NOX5: variants seen among roughly 807,000 people sequenced by gnomAD.
NOX5 encodes NADPH oxidase 5.
In NOX5, 76 loss-of-function variants were observed where a neutral mutation model predicts 85.7. The observed-to-expected ratio is 0.89, with a 90% CI of 0.74 to 1.07. The LOEUF (loss-of-function observed/expected upper bound fraction) is 1.07. Ranked by LOEUF, NOX5 falls within the 50% of genes least tolerant of loss-of-function variation. The pLI, the probability that NOX5 is intolerant of heterozygous loss-of-function variation, is 0.00. For missense variants in NOX5, 973 were observed against 999.5 expected (o/e 0.97, Z 0.36); for synonymous variants, 405 against 401.4 (o/e 1.01, Z -0.11).
chr15:69,043,498 G>T (rs1001028031), intron 10 of NOX5: 15 of 152,402 alleles, frequency 9.8e-5, no homozygotes, highest in East Asian at 3.9e-4. Context: ...ACGTTCCCAG[G>T]CCTGGCCCAA....
rs79487596 is a variant in NOX5 at position 69,016,433 on chromosome 15, G to A, written c.50+1648G>A. ...ACTAGGACCACACATTTATAGGCGA[G>A]GAGAGAGTGAGAACCTAGACAGGTG... is the stretch of plus-strand genomic sequence containing the variant. On this transcript the variant is annotated intron_variant, in intron 1 of 15. Transcript: ENST00000388866. 1.0e-3 allele frequency among the ~76,000 whole-genome samples: 157 copies of A among 152,314 alleles called. 6 individuals carry two copies. In the East Asian group the frequency reaches 0.027, roughly 26 times the overall value.
chr15:69,021,881 A>G (rs1173951994), intron 1 of NOX5, among the ~76,000 whole-genome samples: 2 of 152,216 alleles, frequency 1.3e-5, no homozygotes, highest in Non-Finnish European at 2.9e-5. Context: ...TGAGGCATAA[A>G]TGATGTGCCA....
In NOX5 at chr15:69,044,941, C is replaced by T. The variant is rs371658688; in HGVS notation, c.1648-1881C>T. ...CATCCAAGGATGTCACTGGAGCTGA[C>T]GTCCTATAGGCCCAAGGGAGATCCC... On this transcript the variant is annotated intron_variant, in intron 10 of 15. Coordinates refer to ENST00000388866, the MANE Select transcript of NOX5 (RefSeq NM_024505.4). Among the ~76,000 whole-genome samples, 160 of 152,362 alleles carry T rather than the reference C, an allele frequency of 1.1e-3. 1 individual carries two copies. Among genetic ancestry groups the T allele is most frequent in the African/African-American group, 3.6e-3 (150 of 41,576 alleles).
chr15:69,024,940 T>C (rs1444639642), intron 1 of NOX5, among the ~76,000 whole-genome samples: 2 of 152,242 alleles, frequency 1.3e-5, no homozygotes, highest in Non-Finnish European at 2.9e-5. Context: ...GTGTGATATG[T>C]ATTTCATTCT....
chr15:69,028,157 T>G (rs1163773887), intron 2 of NOX5, 58 bp from the exon 3 acceptor site: 11 of 1,515,016 alleles, frequency 7.3e-6, no homozygotes, highest in African/African-American at 1.4e-5. Context: ...AGTGAACAAA[T>G]TCAAAGCCCA....
rs311933 is a variant in NOX5 at position 69,043,790 on chromosome 15, A to G, written c.1647+985A>G. On this transcript the variant is annotated intron_variant, in intron 10 of 15. Transcript: ENST00000388866. ...GACCTCAGTCACCTCTGCCACTATA[A>G]ATTGGCGCAACTTTCTGGCAGGCAG... 9.5e-3 allele frequency among the ~76,000 whole-genome samples: 1,449 copies of G among 152,142 alleles called. 25 individuals are homozygous for G. The highest frequency in any genetic ancestry group is 0.032 in the African/African-American group (1,319 of 41,508).
intron 14 of NOX5, among the ~76,000 whole-genome samples, chr15:69,050,833 G>T (rs1194583142): frequency 6.6e-6 from 1 of 152,172 alleles, no homozygotes. Flanking sequence ...TTTAACCCCA[G>T]TACTAAGGTG....
chr15:69,056,643 C>A lies in NOX5; in HGVS notation c.2245C>A (p.Leu749Met), dbSNP rs779336898. Residue 749 changes from leucine (L) to methionine (M), a missense_variant, in exon 16 of 16, where the codon CTG becomes ATG. Leu to Met is a conservative substitution (Grantham distance 15). Transcript: ENST00000388866. ...FCGSPALAKV[L>M]KGHCEKFGFR... The stretch of plus-strand genomic sequence containing the variant: ...TGGCTCCCCAGCTCTGGCCAAGGTG[C>A]TGAAGGGCCATTGTGAGAAGTTCGG... 41 of 1,613,726 alleles carry A rather than the reference C, an allele frequency of 2.5e-5. No homozygotes were observed. The highest frequency in any genetic ancestry group is 3.5e-5 in the Non-Finnish European group (41 of 1,180,042).
chr15:69,020,604 T>C (rs1397095835), intron 1 of NOX5, among the ~76,000 whole-genome samples: 1 of 151,552 alleles, frequency 6.6e-6, no homozygotes, highest in African/African-American at 2.4e-5. Context: ...ATAAGATAGA[T>C]GGTAAAGATG....
intron 1 of NOX5, among the ~76,000 whole-genome samples, chr15:69,021,912 G>T (rs1354634917): frequency 2.0e-5 from 3 of 152,080 alleles, no homozygotes; most frequent in African/African-American, 7.2e-5. Flanking sequence ...ATTTAAAATG[G>T]ATATTTTGAC....
rs144988780 is a variant in NOX5, at chr15:69,017,144, T to C, written c.50+2359T>C. 2.6e-4 allele frequency among the ~76,000 whole-genome samples: 39 copies of C among 152,038 alleles called. No homozygotes were observed. In the East Asian group the frequency reaches 7.2e-3, roughly 28 times the overall value. ...TAACATAGAAATTTCTAAGTATTTA[T>C]TTATTTATTTATTTATTTATTTTCT... On this transcript the variant is annotated intron_variant, in intron 1 of 15. Transcript: ENST00000388866.
At chr15:69,043,978 G>C (rs563199717) in intron 10 of NOX5, among the ~76,000 whole-genome samples, 157 of 152,298 alleles carry the variant, frequency 1.0e-3, no homozygotes, top group African/African-American at 3.3e-3. Context: ...GAGGTCAGGA[G>C]ATTGAGACCA....
intron 1 of NOX5, among the ~76,000 whole-genome samples, chr15:69,016,285 G>T (rs1463161372): frequency 6.6e-6 from 1 of 152,178 alleles, no homozygotes; most frequent in Admixed American, 6.5e-5. Flanking sequence ...CCAGCTACAG[G>T]TTCTCTCCAT....
chr15:69,062,058 T>A lies in NOX5; in HGVS notation c.*5362T>A, dbSNP rs1462592329. On this transcript the variant is annotated 3_prime_UTR_variant, in exon 16 of 16. Transcript: ENST00000388866. The stretch of plus-strand genomic sequence containing the variant: ...GGTGCTTGGCGTGTTTCATGAATGT[T>A]TCCACTGCTATGGTCTGTTTCAGCT... The A allele has an allele frequency of 2.0e-5, 3 of 152,144 alleles. No individual in the cohort carries two copies. Among genetic ancestry groups the A allele is most frequent in the African/African-American group, 7.2e-5 (3 of 41,436 alleles). 9.4% of individuals were successfully genotyped at this position (152,144 alleles called of 1,614,324 possible).
At chr15:69,018,629 C>G (rs993357474) in intron 1 of NOX5, among the ~76,000 whole-genome samples, 1 of 149,256 alleles carries the variant, frequency 6.7e-6, no homozygotes, top group African/African-American at 2.5e-5. Flanking sequence ...GTGGGCTGTA[C>G]CTGTTGAGCC....
chr15:69,046,973 C>A (rs2050681722), intron 11 of NOX5, 107 bp downstream of exon 11: 1 of 1,135,156 alleles, frequency 8.8e-7, no homozygotes, highest in Admixed American at 1.9e-5. Context: ...TACTCAAGCT[C>A]CTCAAATCCT....
In NOX5 at chr15:69,060,725, G is replaced by A. The variant is rs1444044320; in HGVS notation, c.*4029G>A. 2 of 152,196 alleles carry A rather than the reference G, an allele frequency of 1.3e-5. No homozygotes were observed. Among genetic ancestry groups the A allele is most frequent in the African/African-American group, 2.4e-5 (1 of 41,440 alleles). 9.4% of individuals were successfully genotyped at this position (152,196 alleles called of 1,614,324 possible). On this transcript the variant is annotated 3_prime_UTR_variant, in exon 16 of 16. Coordinates refer to ENST00000388866, the MANE Select transcript of NOX5 (RefSeq NM_024505.4). ...AGAAAAGAAAAAACAAGTACCAAGTGTTTGATATAATCCTATTTATAACAC... is the reference window on the plus strand; with the variant it reads ...AGAAAAGAAAAAACAAGTACCAAGTATTTGATATAATCCTATTTATAACAC...
intron 5 of NOX5, among the ~76,000 whole-genome samples, chr15:69,034,099 A>C (rs530247227): frequency 6.6e-6 from 1 of 152,308 alleles, no homozygotes; most frequent in South Asian, 2.1e-4. Flanking sequence ...GCACAAAGTA[A>C]CTACAGGGGA....
intron 8 of NOX5, 55 bp from the exon 9 acceptor site, chr15:69,038,801 GC>G: frequency 6.2e-7 from 1 of 1,613,638 alleles, no homozygotes; most frequent in East Asian, 2.2e-5. Context: ...TTGTCCTGTA[GC>G]CCCTGGTGGC....
Sources: allele counts gnomAD v4.1 joint callset (sites outside exome capture counted in the v4.1 genomes callset), GRCh38; gene constraint gnomAD v4.1.1; transcripts MANE v1.5; gene names NCBI Gene and HGNC (gene_info 2026-07-23, HGNC 2026-07-21).